The following DUSP15 variants were observed in gnomAD, a reference collection of about 807,000 sequenced individuals.
DUSP15 encodes the protein dual specificity phosphatase 15, also known as dual specificity protein phosphatase 15.
A neutral mutation model predicts 26.3 loss-of-function variants in DUSP15; 23 were observed. The ratio of observed to expected loss-of-function variants is 0.87; its 90% confidence interval spans 0.63 to 1.24. The LOEUF (loss-of-function observed/expected upper bound fraction) is 1.24. Ranked by LOEUF, DUSP15 falls within the 50% of genes most tolerant of loss-of-function variation. The pLI, the probability that DUSP15 is intolerant of heterozygous loss-of-function variation, is 0.00. For synonymous variants in DUSP15, 143 were observed against 135.5 expected, an observed-to-expected ratio of 1.06 and a Z score of -0.39; for missense variants, 364 against 320.6, an observed-to-expected ratio of 1.14 and a Z score of -1.03.
At chr20:31,867,044 T>A (rs1215124663) in intron 3 of DUSP15, 27 bp downstream of exon 3, 5 of 1,553,286 alleles carry the variant, frequency 3.2e-6, no homozygotes, top group Non-Finnish European at 4.4e-6. Flanking sequence ...CACCCCCGCA[T>A]AGCCCTGGGA....
chr20:31,850,635 G>T lies in DUSP15; in HGVS notation c.468C>A (p.Cys156Ter). Residue 156 changes from cysteine (C) to a stop codon, truncating the protein, a stop_gained, in exon 7 of 10, where the codon TGC becomes TGA. Transcript: ENST00000278979. LOFTEE classifies it high-confidence loss of function. ...ACCAGGTTGCTGAAGTCATCGGAGG[G>T]CATTGGGCACCAGAGGTTTTTGAGG... 1 of 1,611,946 alleles carries T rather than the reference G, an allele frequency of 6.2e-7. No homozygotes were observed. The highest frequency in any genetic ancestry group is 1.3e-5 in the African/African-American group (1 of 75,036).
chr20:31,846,476 G>GAGAGAGAGAGAGAGAGAGAGA (rs1555791617), downstream of DUSP15, among the ~76,000 whole-genome samples: 2 of 128,446 alleles, frequency 1.6e-5, no homozygotes, highest in African/African-American at 7.8e-5. Context: ...GAGAGAGAGA[G>GAGAGAGAGAGAGAGAGAGAGA]GAGAGAGAGG....
In DUSP15 at chr20:31,861,628, G is replaced by GTCGCGGAAGGGGCTC. The variant is rs2062657103; in HGVS notation, c.468_482dup (p.Glu156_Arg160dup). On this transcript the variant is annotated inframe_insertion, in exon 7 of 7. Transcript: ENST00000339738. ...GCAGCAGCGCGCGCAACTCCTCCTCGTCGCGGAAGGGGCTCTCGCCGAAGC... is the reference window on the plus strand; with the variant it reads ...GCAGCAGCGCGCGCAACTCCTCCTCGTCGCGGAAGGGGCTCTCGCGGAAGGGGCTCTCGCCGAAGC... The GTCGCGGAAGGGGCTC allele has an allele frequency of 1.3e-6, 2 of 1,492,204 alleles. No individual in the cohort carries two copies. Among genetic ancestry groups the GTCGCGGAAGGGGCTC allele is most frequent in the South Asian group, 1.3e-5 (1 of 79,742 alleles). 92.4% of individuals were successfully genotyped at this position (1,492,204 alleles called of 1,614,324 possible).
upstream of DUSP15, chr20:31,870,597 CCGCCTCGGGTCGCGG>C: frequency 7.2e-7 from 1 of 1,392,636 alleles, no homozygotes; most frequent in Non-Finnish European, 9.3e-7. The surrounding 1 kb of genome is among the most constrained non-coding windows in gnomAD (Gnocchi z 6.6). Flanking sequence ...TGTGGGGCCC[CCGCCTCGGGTCGCGG>C]CGGGGGGCCG....
rs140560517 is a variant in DUSP15 at position 31,862,667 on chromosome 20, G to A, written c.339C>T (p.Asp113=). The change falls in exon 6 of 7, where the codon GAC becomes GAT. Residue 113 remains aspartate (D), a synonymous_variant. Transcript: ENST00000339738. Reference sequence around the variant, plus strand: ...TGGTGGCCTTGATGGCTTCAAGCACGTCCCGCCAGCCTAGCCCCGTCACAG... The same window carrying A: ...TGGTGGCCTTGATGGCTTCAAGCACATCCCGCCAGCCTAGCCCCGTCACAG... ...VMTVTGLGWR[D]VLEAIKATRP... 29 of 1,614,098 alleles carry A rather than the reference G, an allele frequency of 1.8e-5. No homozygotes were observed. In the African/African-American group the frequency reaches 2.8e-4, roughly 16 times the overall value.
At chr20:31,860,959 A>T, downstream of DUSP15, 1 of 982,404 alleles carries the variant, frequency 1.0e-6, no homozygotes, top group African/African-American at 1.7e-5. Flanking sequence ...CAGGGGATGC[A>T]GGCTCCCTCG....
downstream of DUSP15, among the ~76,000 whole-genome samples, chr20:31,860,027 A>C (rs2062618966): frequency 6.6e-6 from 1 of 152,190 alleles, no homozygotes; most frequent in African/African-American, 2.4e-5. Flanking sequence ...TCCCCCAGAT[A>C]ACCAAACGGT....
downstream of DUSP15, among the ~76,000 whole-genome samples, chr20:31,858,015 C>T (rs1487946978): frequency 6.6e-6 from 1 of 152,172 alleles, no homozygotes; most frequent in Non-Finnish European, 1.5e-5. This position sits in a 1 kb window ranked among gnomAD's most constrained non-coding sequence, Gnocchi z 4.4. Context: ...ATGTAGAGAA[C>T]ATTACCCTCA....
intron 2 of DUSP15, among the ~76,000 whole-genome samples, chr20:31,868,967 C>A (rs573399215): frequency 6.6e-6 from 1 of 152,150 alleles, no homozygotes; most frequent in Non-Finnish European, 1.5e-5. Flanking sequence ...GGCTCACCGC[C>A]CCCCCAACTT....
At chr20:31,859,298 TTG>T (rs1491102065), downstream of DUSP15, among the ~76,000 whole-genome samples, 2 of 103,804 alleles carry the variant, frequency 1.9e-5, no homozygotes, top group African/African-American at 3.4e-5. Flanking sequence ...ATGCATTTTT[TTG>T]GGGGGGGGGG....
intron 8 of DUSP15, chr20:31,849,545 A>C (rs1369642517): frequency 1.1e-6 from 1 of 948,444 alleles, no homozygotes; most frequent in Non-Finnish European, 1.7e-6. Context: ...TACCGCCTGG[A>C]GGAAGCCGCG....
downstream of DUSP15, among the ~76,000 whole-genome samples, chr20:31,859,674 T>C (rs2062613513): frequency 6.6e-6 from 1 of 152,206 alleles, no homozygotes; most frequent in African/African-American, 2.4e-5. Flanking sequence ...TTTTTCTTTT[T>C]TCAAACAGGG....
intron 1 of DUSP15, chr20:31,869,818 C>A: frequency 7.0e-7 from 1 of 1,430,512 alleles, no homozygotes; most frequent in South Asian, 1.5e-5. Context: ...ACCGAGGGAA[C>A]CAAGGGAGGC....
chr20:31,862,012 T>A (rs549938517), intron 6 of DUSP15, among the ~76,000 whole-genome samples: 2 of 152,104 alleles, frequency 1.3e-5, no homozygotes, highest in South Asian at 2.1e-4. Context: ...ACTTTGCACC[T>A]CTGTGCTCAC....
intron 5 of DUSP15, 91 bp downstream of exon 5, chr20:31,863,816 G>T: frequency 7.5e-7 from 1 of 1,332,918 alleles, no homozygotes; most frequent in Non-Finnish European, 1.1e-6. Context: ...ATCCCTCACA[G>T]GTCCAACCTT....
intron 3 of DUSP15, among the ~76,000 whole-genome samples, chr20:31,866,467 G>T (rs73241785): frequency 1.5e-3 from 233 of 152,326 alleles, no homozygotes; most frequent in African/African-American, 5.3e-3. Flanking sequence ...AAACAGTGAA[G>T]ATGTTCCTGA....
rs199626098 is a variant in DUSP15, at chr20:31,864,027, C to T, written c.189-46G>A. The stretch of plus-strand genomic sequence containing the variant: ...GTAGGGAGCACTGCAGGGCAGACCT[C>T]TCAGGAGTTGTTCCGCCCCCACCCC... On this transcript the variant is annotated intron_variant, in intron 4 of 6. Transcript: ENST00000339738. The T allele has an allele frequency of 4.4e-5, 71 of 1,609,864 alleles. 1 individual carries two copies. The East Asian group carries it at 1.6e-3, about 36-fold the overall frequency.
chr20:31,869,846 GGGAGAGGAGGAAGGCAGGTCTTAGGA>G, intron 1 of DUSP15: 1 of 1,416,846 alleles, frequency 7.1e-7, no homozygotes, highest in Non-Finnish European at 9.2e-7. Flanking sequence ...GGTATGAGAG[GGGAGAGGAGGAAGGCAGGTCTTAGGA>G]GGAGAGGAGA....
At chr20:31,850,764 G>A (rs1156336967) in intron 6 of DUSP15, 5 of 1,378,700 alleles carry the variant, frequency 3.6e-6, no homozygotes, top group East Asian at 2.4e-5. Context: ...AGGCAGGGCT[G>A]GGTGAGGAGA....
Sources: allele counts gnomAD v4.1 joint callset (sites outside exome capture counted in the v4.1 genomes callset), GRCh38; gene constraint gnomAD v4.1.1; non-coding constraint Gnocchi (gnomAD v3.1); transcripts MANE v1.5; gene names NCBI Gene and HGNC (gene_info 2026-07-23, HGNC 2026-07-21).